AUTS2: variants seen among roughly 807,000 people sequenced by gnomAD.
AUTS2 encodes activator of transcription and developmental regulator AUTS2.
AUTS2 carries 17 observed loss-of-function variants against 112.4 expected under a neutral mutation model. The observed-to-expected ratio is 0.15, with a 90% CI of 0.10 to 0.23. The LOEUF (loss-of-function observed/expected upper bound fraction) is 0.23, where lower values mean the gene tolerates loss of function less well. AUTS2 is among the 10% of genes least tolerant of loss of function. AUTS2 has a pLI of 1.00. For synonymous variants in AUTS2, 751 were observed against 702.7 expected (o/e 1.07, Z -1.09); for missense variants, 1,510 against 1,701.6 (o/e 0.89, Z 1.98).
At chr7:70,192,863 G>C (rs1242197659) in intron 4 of AUTS2, among the ~76,000 whole-genome samples, 1 of 152,174 alleles carries the variant, frequency 6.6e-6, no homozygotes, top group Non-Finnish European at 1.5e-5. Flanking sequence ...TGGACGGGGG[G>C]AGTCAAAATG....
intron 1 of AUTS2, among the ~76,000 whole-genome samples, chr7:69,621,613 TTAAAC>T (rs548776174): frequency 7.9e-4 from 121 of 152,328 alleles, no homozygotes; most frequent in African/African-American, 2.9e-3. Flanking sequence ...TAAAAATATT[TTAAAC>T]TAACTGAACT....
chr7:70,326,998 A>T (rs962570833), intron 4 of AUTS2, among the ~76,000 whole-genome samples: 1 of 148,556 alleles, frequency 6.7e-6, no homozygotes, highest in Non-Finnish European at 1.5e-5. Flanking sequence ...GCTCACTGCA[A>T]CCTCCACCTT....
intron 2 of AUTS2, among the ~76,000 whole-genome samples, chr7:70,066,740 A>G (rs541579429): frequency 1.3e-5 from 2 of 152,188 alleles, no homozygotes; most frequent in East Asian, 1.9e-4. Flanking sequence ...GGGTTTCACT[A>G]TGTTGGCCAG....
At chr7:70,229,999 A>C (rs1264683159) in intron 4 of AUTS2, among the ~76,000 whole-genome samples, 1 of 152,146 alleles carries the variant, frequency 6.6e-6, no homozygotes, top group Non-Finnish European at 1.5e-5. Flanking sequence ...CTTTTTCGGA[A>C]GGGGATCTTT....
intron 4 of AUTS2, among the ~76,000 whole-genome samples, chr7:70,224,546 AC>A (rs1452794973): frequency 2.6e-5 from 4 of 152,170 alleles, no homozygotes; most frequent in African/African-American, 7.2e-5. Flanking sequence ...AAAGTAAAAA[AC>A]ATTACAGTAG....
chr7:70,468,962 C>T (rs192021030), intron 5 of AUTS2, among the ~76,000 whole-genome samples: 50 of 152,328 alleles, frequency 3.3e-4, no homozygotes, highest in Admixed American at 3.0e-3. Flanking sequence ...GGTCGCTCTA[C>T]AGTTTCGTCA....
At chr7:70,515,886 C>G (rs1799396106) in intron 5 of AUTS2, among the ~76,000 whole-genome samples, 1 of 152,142 alleles carries the variant, frequency 6.6e-6, no homozygotes, top group Non-Finnish European at 1.5e-5. Flanking sequence ...TGAAATATTT[C>G]AGCAGTGGAC....
intron 5 of AUTS2, among the ~76,000 whole-genome samples, chr7:70,582,033 C>T (rs531339263): frequency 6.7e-6 from 1 of 148,778 alleles, no homozygotes; most frequent in East Asian, 2.0e-4. Context: ...TCTTACCCAA[C>T]CCACTTTTTT....
intron 4 of AUTS2, among the ~76,000 whole-genome samples, chr7:70,232,021 C>T (rs1399105306): frequency 1.3e-5 from 2 of 152,172 alleles, no homozygotes; most frequent in East Asian, 3.8e-4. Context: ...GATCCGCCCA[C>T]CTCAGCCTCC....
chr7:70,005,821 GTATATTTTAT>G (rs1271279705), intron 2 of AUTS2, among the ~76,000 whole-genome samples: 3 of 151,632 alleles, frequency 2.0e-5, no homozygotes, highest in Non-Finnish European at 4.4e-5. Context: ...TGTAATTTTA[GTATATTTTAT>G]GTGCATGTTC....
rs10651355 is a variant in AUTS2 at position 70,528,093 on chromosome 7, A to ATTTTT, written c.690+92334_690+92338dup. Among the ~76,000 whole-genome samples the ATTTTT allele has an allele frequency of 1.0e-4, 10 of 97,294 alleles. 1 individual carries two copies. The highest frequency in any genetic ancestry group is 4.5e-4 in the African/African-American group (10 of 22,144). The allele number at this position is 97,294 out of a possible 152,430, so 63.8% of individuals were successfully genotyped here. A position where few individuals can be genotyped will look rare whatever the true frequency, so the allele number is the denominator to read the frequency against. ...ACTTGAAGTTCACTTAAATTTAAGG[A>ATTTTT]TTTTTTTTTTTTTTTTTTTTTTTTT... On this transcript the variant is annotated intron_variant, in intron 5 of 18. Coordinates refer to ENST00000342771, the MANE Select transcript of AUTS2 (RefSeq NM_015570.4).
intron 13 of AUTS2, 117 bp downstream of exon 13, chr7:70,775,503 T>A: frequency 1.2e-6 from 1 of 825,970 alleles, no homozygotes; most frequent in East Asian, 2.6e-5. Flanking sequence ...GACATTGGAA[T>A]GACGGTGATT....
intron 1 of AUTS2, among the ~76,000 whole-genome samples, chr7:69,847,812 C>CAG (rs1249398228): frequency 6.6e-6 from 1 of 152,200 alleles, no homozygotes; most frequent in African/African-American, 2.4e-5. Context: ...TCTAAACTTG[C>CAG]AGAGGCCTGA....
Position 70,114,742 on chromosome 7 carries a change from G to A in AUTS2, c.523-3390G>A, listed in dbSNP as rs542752097. On this transcript the variant is annotated intron_variant, in intron 2 of 18. Transcript: ENST00000342771. ...CTTGAACCGGGGAGGCGGAGGTTGCGGTGAGCAGAGATGGCACCATTGCAC... is the reference window on the plus strand; with the variant it reads ...CTTGAACCGGGGAGGCGGAGGTTGCAGTGAGCAGAGATGGCACCATTGCAC... Among the ~76,000 whole-genome samples the A allele has an allele frequency of 5.9e-5, 9 of 152,042 alleles. No individual in the cohort carries two copies. The South Asian group carries it at 1.0e-3, about 18-fold the overall frequency.
intron 4 of AUTS2, among the ~76,000 whole-genome samples, chr7:70,366,881 A>G (rs979465129): frequency 6.6e-6 from 1 of 152,178 alleles, no homozygotes; most frequent in Non-Finnish European, 1.5e-5. Context: ...AGAATAAGGA[A>G]GAATCAGTTC....
chr7:70,377,839 C>T (rs1453368372), intron 4 of AUTS2, among the ~76,000 whole-genome samples: 1 of 150,136 alleles, frequency 6.7e-6, no homozygotes, highest in Admixed American at 6.6e-5. Flanking sequence ...GGCGCAATCT[C>T]GGCTCACTGC....
intron 4 of AUTS2, chr7:70,291,686 G>T (rs1442474873): frequency 6.6e-6 from 1 of 152,212 alleles, no homozygotes; most frequent in Non-Finnish European, 1.5e-5. Context: ...TAGGGCATTA[G>T]ATTGAAGCTT....
chr7:70,427,284 T>TCA (rs1361273483), intron 4 of AUTS2, among the ~76,000 whole-genome samples: 1 of 152,178 alleles, frequency 6.6e-6, no homozygotes, highest in African/African-American at 2.4e-5. Context: ...CATTTACAAA[T>TCA]CACCGGGCCC....
intron 5 of AUTS2, among the ~76,000 whole-genome samples, chr7:70,560,387 T>C (rs150924140): frequency 1.3e-5 from 2 of 152,288 alleles, no homozygotes; most frequent in East Asian, 3.9e-4. Context: ...GTTTTGTCTG[T>C]CATATTCGCT....
Sources: gnomAD v4.1 joint callset for allele counts (sites outside exome capture counted in the v4.1 genomes callset) on GRCh38, gnomAD v4.1.1 for gene constraint, MANE v1.5 for transcripts, NCBI Gene and HGNC (gene_info 2026-07-23, HGNC 2026-07-21) for gene names.